The following GLYATL2 variants were observed in gnomAD, a reference collection of about 807,000 sequenced individuals.
GLYATL2 encodes the protein glycine-N-acyltransferase like 2.
In GLYATL2, 25 loss-of-function variants were observed where a neutral mutation model predicts 21.4. The observed-to-expected ratio is 1.17, with a 90% CI of 0.85 to 1.63. GLYATL2 has a LOEUF of 1.63. Among genes scored for constraint, GLYATL2 ranks in the 40% most tolerant of loss-of-function variants. The probability of loss-of-function intolerance (pLI) is 0.00; values close to 1 mark genes in which losing one functional copy is unlikely to be tolerated. For synonymous variants in GLYATL2, 114 were observed against 118.2 expected (o/e 0.96, Z 0.23); for missense variants, 361 against 343.3 (o/e 1.05, Z -0.41).
rs753668416 is a variant in GLYATL2, at chr11:58,834,573, C to A, written c.741G>T (p.Lys247Asn). The A allele has an allele frequency of 1.9e-6, 3 of 1,613,880 alleles. 1 individual carries two copies. In the South Asian group the frequency reaches 3.3e-5, roughly 18 times the overall value. The change falls in exon 6 of 6, where the codon AAG becomes AAT. Residue 247 changes from lysine to asparagine, a missense_variant. Transcript: ENST00000287275. ...NMLQIGYHLE[K>N]YLSQKEIPFY... ...ATGGGATTTCTTTCTGAGAAAGATA[C>A]TTTTCAAGATGATAACCAATTTGCA...
intron 1 of GLYATL2, among the ~76,000 whole-genome samples, chr11:58,851,691 G>C (rs1454405878): frequency 6.6e-6 from 1 of 152,156 alleles, no homozygotes; most frequent in East Asian, 1.9e-4. Context: ...ATGGTTCCTG[G>C]GTGTATCTTC....
chr11:58,906,618 T>C (rs1854893468), upstream of GLYATL2, among the ~76,000 whole-genome samples: 2 of 152,194 alleles, frequency 1.3e-5, no homozygotes, highest in African/African-American at 4.8e-5. Flanking sequence ...GCACTACATG[T>C]GCCTAGCAAG....
chr11:58,840,887 TA>T (rs1173083592), intron 1 of GLYATL2: 2 of 82,450 alleles, frequency 2.4e-5, no homozygotes, highest in South Asian at 7.2e-4. Flanking sequence ...AAATAAAAAT[TA>T]AAAAAATAAT....
chr11:58,899,579 T>C (rs990153554), intron 1 of GLYATL2, among the ~76,000 whole-genome samples: 9 of 151,978 alleles, frequency 5.9e-5, no homozygotes, highest in South Asian at 2.1e-4. Context: ...AGGAAGGGGT[T>C]AGGACGGGCC....
At chr11:58,883,541 C>T (rs1265794745) in intron 1 of GLYATL2, among the ~76,000 whole-genome samples, 1 of 152,106 alleles carries the variant, frequency 6.6e-6, no homozygotes, top group South Asian at 2.1e-4. Context: ...CCTGAATAGA[C>T]CAATAACAGG....
chr11:58,862,155 G>A (rs1446599298), intron 1 of GLYATL2, among the ~76,000 whole-genome samples: 1 of 152,114 alleles, frequency 6.6e-6, no homozygotes, highest in African/African-American at 2.4e-5. Flanking sequence ...CAGCCGATAA[G>A]CTTCTGCTCA....
chr11:58,836,937 C>G (rs1391444956), intron 5 of GLYATL2, 78 bp downstream of exon 5: 4 of 1,306,098 alleles, frequency 3.1e-6, no homozygotes, highest in African/African-American at 1.5e-5. Context: ...GTCTCAAATC[C>G]TACATTTCCA....
At chr11:58,876,146 CT>C (rs571235864) in intron 1 of GLYATL2, among the ~76,000 whole-genome samples, 182 of 152,318 alleles carry the variant, frequency 1.2e-3, no homozygotes, top group African/African-American at 4.1e-3. Flanking sequence ...TCCATCAGGT[CT>C]TTTAAGGACT....
chr11:58,899,403 C>G (rs1184590981), intron 1 of GLYATL2, among the ~76,000 whole-genome samples: 1 of 151,818 alleles, frequency 6.6e-6, no homozygotes, highest in Non-Finnish European at 1.5e-5. Flanking sequence ...AGAAACTAAA[C>G]CAAAAATTAA....
chr11:58,839,379 G>T (rs1047771793), intron 2 of GLYATL2, among the ~76,000 whole-genome samples, 156 bp downstream of exon 2: 3 of 152,168 alleles, frequency 2.0e-5, no homozygotes, highest in Non-Finnish European at 2.9e-5. Flanking sequence ...AGGAAGCAAA[G>T]TGGGTGATTG....
At chr11:58,876,319 C>G (rs967859752) in intron 1 of GLYATL2, among the ~76,000 whole-genome samples, 1 of 152,202 alleles carries the variant, frequency 6.6e-6, no homozygotes, top group Admixed American at 6.5e-5. Flanking sequence ...CCAGCTTTGT[C>G]CCATTGCTGG....
At chr11:58,872,961 T>C (rs962061247) in intron 1 of GLYATL2, among the ~76,000 whole-genome samples, 1 of 152,212 alleles carries the variant, frequency 6.6e-6, no homozygotes, top group Non-Finnish European at 1.5e-5. Flanking sequence ...TTTATTTCCT[T>C]GAGCAGTGGT....
chr11:58,859,695 A>G (rs1439899420), intron 1 of GLYATL2, among the ~76,000 whole-genome samples: 1 of 152,158 alleles, frequency 6.6e-6, no homozygotes, highest in African/African-American at 2.4e-5. Flanking sequence ...CATTGCCCCA[A>G]CTAATATCAG....
At chr11:58,906,970 T>C (rs1447081944), upstream of GLYATL2, among the ~76,000 whole-genome samples, 3 of 152,154 alleles carry the variant, frequency 2.0e-5, no homozygotes, top group Non-Finnish European at 4.4e-5. Context: ...GGAATCCTTT[T>C]TTAAAAAGCT....
chr11:58,842,586 C>T (rs1271328122), intron 1 of GLYATL2, among the ~76,000 whole-genome samples: 1 of 151,236 alleles, frequency 6.6e-6, no homozygotes, highest in Admixed American at 6.6e-5. Flanking sequence ...GCTACCAGGA[C>T]AGGCTTCAGT....
At chr11:58,836,911 A>C in intron 5 of GLYATL2, 104 bp downstream of exon 5, 2 of 961,862 alleles carry the variant, frequency 2.1e-6, no homozygotes, top group Admixed American at 4.1e-5. Flanking sequence ...GCAATTGTGT[A>C]GCCCATCATA....
At chr11:58,837,559 G>A (rs1453266190) in intron 3 of GLYATL2, among the ~76,000 whole-genome samples, 162 bp from the exon 4 acceptor site, 1 of 152,190 alleles carries the variant, frequency 6.6e-6, no homozygotes, top group Non-Finnish European at 1.5e-5. Flanking sequence ...ACTCACTCTT[G>A]ATACACTGAA....
intron 1 of GLYATL2, among the ~76,000 whole-genome samples, chr11:58,875,848 T>G (rs1324649936): frequency 6.6e-6 from 1 of 152,232 alleles, no homozygotes; most frequent in Admixed American, 6.5e-5. Context: ...CCTTGCTGGA[T>G]TGGGGAAGTT....
rs1426536261 is a variant in GLYATL2, at chr11:58,877,383, ACTGGAG to A, written n.60+26767_60+26772del. Among the ~76,000 whole-genome samples, 4 of 152,332 alleles carry A rather than the reference ACTGGAG, an allele frequency of 2.6e-5. No individual in the cohort carries two copies. In the South Asian group the frequency reaches 8.3e-4, roughly 32 times the overall value. On this transcript the variant is annotated intron_variant and non_coding_transcript_variant, in intron 1 of 4. Coordinates refer to the GLYATL2 transcript ENST00000533636. Reference sequence around the variant, plus strand: ...GTGTCGCTCACACTGGGAGCTGTAGACTGGAGCTGTTCCTTTTCAGCCATCTTGGCT... The same window carrying A: ...GTGTCGCTCACACTGGGAGCTGTAGACTGTTCCTTTTCAGCCATCTTGGCT...
Sources: allele counts gnomAD v4.1 joint callset (sites outside exome capture counted in the v4.1 genomes callset), GRCh38; gene constraint gnomAD v4.1.1; transcripts MANE v1.5; gene names NCBI Gene and HGNC (gene_info 2026-07-23, HGNC 2026-07-21).